PTPRM: variants seen among roughly 807,000 people sequenced by gnomAD.
The protein encoded by PTPRM is receptor-type tyrosine-protein phosphatase mu.
PTPRM carries 47 observed loss-of-function variants against 186.7 expected under a neutral mutation model. That is an observed-to-expected ratio of 0.25 (90% confidence interval 0.20 to 0.32). The LOEUF is 0.32. PTPRM is among the 10% of genes least tolerant of loss of function. PTPRM has a pLI of 1.00. For synonymous variants in PTPRM, 668 were observed against 674.9 expected (o/e 0.99, Z 0.16); for missense variants, 1,494 against 1,865.0 (o/e 0.80, Z 3.66).
intron 14 of PTPRM, among the ~76,000 whole-genome samples, chr18:8,199,888 T>C (rs2093830069): frequency 6.6e-6 from 1 of 152,084 alleles, no homozygotes; most frequent in Non-Finnish European, 1.5e-5. Context: ...AAGATTACAA[T>C]GAATAGAAAT....
At chr18:7,936,731 G>T (rs995749899) in intron 5 of PTPRM, among the ~76,000 whole-genome samples, 1 of 152,176 alleles carries the variant, frequency 6.6e-6, no homozygotes, top group Non-Finnish European at 1.5e-5. Context: ...CCTGCAGTTC[G>T]GGAGTGGGAA....
chr18:7,926,647 C>T lies in PTPRM; in HGVS notation c.627C>T (p.Ile209=), dbSNP rs188219885. 41 of 1,613,360 alleles carry T rather than the reference C, an allele frequency of 2.5e-5. No homozygotes were observed. In the Middle Eastern group the frequency reaches 6.6e-4, roughly 26 times the overall value. The change falls in exon 5 of 33, where the codon ATC becomes ATT. Residue 209 remains isoleucine, a synonymous_variant. Coordinates refer to ENST00000580170, the MANE Select transcript of PTPRM (RefSeq NM_001105244.2). ...GQFATFQCSA[I]GRTVAGDRLW... is the part of the protein sequence containing the mutation. Reference sequence around the variant, plus strand: ...TTGCTACCTTCCAGTGCAGTGCCATCGGCAGGACCGTGGCAGGAGACAGGC... The same window carrying T: ...TTGCTACCTTCCAGTGCAGTGCCATTGGCAGGACCGTGGCAGGAGACAGGC...
intron 14 of PTPRM, among the ~76,000 whole-genome samples, chr18:8,172,693 A>G (rs1303228785): frequency 8.3e-6 from 1 of 120,114 alleles, no homozygotes; most frequent in Non-Finnish European, 1.8e-5. Context: ...TAATGTAAAC[A>G]CAAGAAAAAA....
At chr18:7,641,587 G>A (rs1451882842) in intron 1 of PTPRM, among the ~76,000 whole-genome samples, 2 of 152,170 alleles carry the variant, frequency 1.3e-5, no homozygotes. Flanking sequence ...GAAGTGGGCG[G>A]TTGCCCACAG....
intron 14 of PTPRM, among the ~76,000 whole-genome samples, chr18:8,224,894 A>G (rs2094195467): frequency 6.6e-6 from 1 of 152,128 alleles, no homozygotes; most frequent in African/African-American, 2.4e-5. Flanking sequence ...TTTGGTAAGA[A>G]TTTTTCATAA....
intron 2 of PTPRM, among the ~76,000 whole-genome samples, chr18:7,802,656 A>G (rs762688415): frequency 2.7e-4 from 41 of 152,230 alleles, no homozygotes; most frequent in Non-Finnish European, 4.7e-4. Context: ...ATAAATCTGA[A>G]CAAGCGATTA....
At chr18:7,685,016 T>G (rs2039567385) in intron 1 of PTPRM, among the ~76,000 whole-genome samples, 1 of 152,236 alleles carries the variant, frequency 6.6e-6, no homozygotes, top group South Asian at 2.1e-4. Context: ...AGGCCAACTG[T>G]GCCATCTAAC....
chr18:7,888,173 A>G lies in PTPRM; in HGVS notation c.264A>G (p.Gln88=), dbSNP rs149248930. Residue 88 remains glutamine (Q), a synonymous_variant, in exon 3 of 33, where the codon CAA becomes CAG. Coordinates refer to ENST00000580170, the MANE Select transcript of PTPRM (RefSeq NM_001105244.2). ...AGAGAGCCCACCTGCTCTTACCCCA[A>G]CTTAAAGAAAATGACACCCACTGCA... ...EGQRAHLLLP[Q]LKENDTHCID... is the part of the protein sequence containing the mutation. 355 of 1,614,058 alleles carry G rather than the reference A, an allele frequency of 2.2e-4. No individual in the cohort carries two copies. Among genetic ancestry groups the G allele is most frequent in the Non-Finnish European group, 2.8e-4 (329 of 1,180,022 alleles).
chr18:7,800,236 C>T (rs2043885395), intron 2 of PTPRM, among the ~76,000 whole-genome samples: 1 of 152,110 alleles, frequency 6.6e-6, no homozygotes, highest in Non-Finnish European at 1.5e-5. Flanking sequence ...ACAGCGCTGC[C>T]CAATGTCATT....
At chr18:7,877,869 A>T (rs1402789371) in intron 2 of PTPRM, among the ~76,000 whole-genome samples, 2 of 152,180 alleles carry the variant, frequency 1.3e-5, no homozygotes. Context: ...TCATAAGGTC[A>T]CAGAACTAGC....
At chr18:7,687,777 G>T (rs1026259215) in intron 1 of PTPRM, among the ~76,000 whole-genome samples, 10 of 145,160 alleles carry the variant, frequency 6.9e-5, no homozygotes, top group Non-Finnish European at 1.0e-4. Context: ...GGAGCTATAA[G>T]ATTTTTTTTT....
chr18:8,118,307 C>T (rs574524437), intron 13 of PTPRM, among the ~76,000 whole-genome samples: 1 of 152,174 alleles, frequency 6.6e-6, no homozygotes, highest in South Asian at 2.1e-4. Flanking sequence ...TGAGTGCCTC[C>T]TTGATTTATA....
intron 2 of PTPRM, among the ~76,000 whole-genome samples, chr18:7,878,189 T>C (rs1005088147): frequency 9.2e-5 from 14 of 152,356 alleles, no homozygotes; most frequent in African/African-American, 3.1e-4. Context: ...CAGATTGCTT[T>C]TTCATATTAT....
intron 11 of PTPRM, among the ~76,000 whole-genome samples, chr18:8,092,780 T>G (rs1458758733): frequency 1.3e-5 from 2 of 152,044 alleles, no homozygotes; most frequent in African/African-American, 4.8e-5. Context: ...CCCTGGGCAA[T>G]GTAGCAAGAC....
chr18:7,902,847 T>G (rs2049771440), intron 3 of PTPRM, among the ~76,000 whole-genome samples: 1 of 151,548 alleles, frequency 6.6e-6, no homozygotes, highest in African/African-American at 2.4e-5. Context: ...TTTTTTTTTT[T>G]TTTTGTACTC....
intron 23 of PTPRM, among the ~76,000 whole-genome samples, chr18:8,352,128 A>G (rs1471945847): frequency 6.6e-6 from 1 of 152,236 alleles, no homozygotes; most frequent in Non-Finnish European, 1.5e-5. Flanking sequence ...TTGTCCTCAA[A>G]GAATATCACC....
chr18:8,396,674 C>T (rs892216701), intron 32 of PTPRM, among the ~76,000 whole-genome samples: 1 of 152,206 alleles, frequency 6.6e-6, no homozygotes, highest in Non-Finnish European at 1.5e-5. Context: ...GATGGGATTT[C>T]TGGGTGCCCA....
At chr18:8,294,441 C>T (rs1213925098) in intron 19 of PTPRM, among the ~76,000 whole-genome samples, 1 of 151,976 alleles carries the variant, frequency 6.6e-6, no homozygotes, top group African/African-American at 2.4e-5. Context: ...TGGGAAAAGC[C>T]GCTTATAAAA....
At chr18:7,895,893 A>G (rs2049328727) in intron 3 of PTPRM, among the ~76,000 whole-genome samples, 1 of 152,180 alleles carries the variant, frequency 6.6e-6, no homozygotes, top group African/African-American at 2.4e-5. Context: ...AGAATTTTGA[A>G]AAGTTTCTTA....
Sources: allele counts gnomAD v4.1 joint callset (sites outside exome capture counted in the v4.1 genomes callset), GRCh38; gene constraint gnomAD v4.1.1; transcripts MANE v1.5; gene names NCBI Gene and HGNC (gene_info 2026-07-23, HGNC 2026-07-21).